The following PCED1B variants were observed in gnomAD, a reference collection of about 807,000 sequenced individuals.
The protein encoded by PCED1B is PC-esterase domain containing 1B, also known as PC-esterase domain-containing protein 1B.
For missense variants in PCED1B, 573 were observed against 573.9 expected (o/e 1.00, Z 0.02); for synonymous variants, 251 against 246.1 (o/e 1.02, Z -0.19).
intron 1 of PCED1B, among the ~76,000 whole-genome samples, chr12:47,096,420 CATTATAT>C (rs568274577): frequency 6.0e-5 from 9 of 150,232 alleles, no homozygotes; most frequent in South Asian, 2.1e-4. Flanking sequence ...ATATAATACA[CATTATAT>C]ATTATATATT....
chr12:47,136,481 G>C (rs1940376943), intron 2 of PCED1B, among the ~76,000 whole-genome samples: 1 of 152,172 alleles, frequency 6.6e-6, no homozygotes, highest in Non-Finnish European at 1.5e-5. Flanking sequence ...AAGGCAGCAT[G>C]ATGTACCCAA....
chr12:47,198,206 G>C (rs1208792369), intron 2 of PCED1B, among the ~76,000 whole-genome samples: 1 of 152,046 alleles, frequency 6.6e-6, no homozygotes, highest in African/African-American at 2.4e-5. Context: ...ACAACAAAAT[G>C]CTTTTTTTTC....
intron 2 of PCED1B, among the ~76,000 whole-genome samples, chr12:47,119,766 G>A (rs572161186): frequency 7.5e-4 from 114 of 151,504 alleles, no homozygotes; most frequent in African/African-American, 2.7e-3. Context: ...ATCATCTGAG[G>A]TCAGCCTGGT....
At chr12:47,160,214 T>C (rs1365230025) in intron 2 of PCED1B, among the ~76,000 whole-genome samples, 1 of 152,104 alleles carries the variant, frequency 6.6e-6, no homozygotes, top group Non-Finnish European at 1.5e-5. Context: ...AATTTTTAAA[T>C]GTTCATGAAG....
intron 2 of PCED1B, among the ~76,000 whole-genome samples, chr12:47,168,439 A>G (rs1941614724): frequency 6.6e-6 from 1 of 152,124 alleles, no homozygotes; most frequent in Non-Finnish European, 1.5e-5. Context: ...TGTTTCTCTT[A>G]GTCAGGCTTC....
intron 2 of PCED1B, among the ~76,000 whole-genome samples, chr12:47,115,285 C>T (rs976701371): frequency 1.3e-5 from 2 of 152,186 alleles, no homozygotes; most frequent in African/African-American, 4.8e-5. Context: ...GCCCAAACGA[C>T]ATTAAACCAC....
chr12:47,228,774 G>A (rs1453432335), intron 3 of PCED1B, among the ~76,000 whole-genome samples: 1 of 151,886 alleles, frequency 6.6e-6, no homozygotes, highest in East Asian at 1.9e-4. Flanking sequence ...TCAGGAGGCT[G>A]AGGCAGGAGA....
chr12:47,098,140 G>A (rs1200509774), intron 1 of PCED1B, among the ~76,000 whole-genome samples: 11 of 152,172 alleles, frequency 7.2e-5, no homozygotes, highest in Admixed American at 2.6e-4. Context: ...TGCTGGAAAG[G>A]ACAGGCTTAA....
At chr12:47,101,606 A>T (rs1012600352) in intron 1 of PCED1B, among the ~76,000 whole-genome samples, 2 of 152,106 alleles carry the variant, frequency 1.3e-5, no homozygotes, top group Non-Finnish European at 2.9e-5. Context: ...TATGGAGATT[A>T]TATGGGGAAA....
At chr12:47,197,927 A>G (rs941298444) in intron 2 of PCED1B, among the ~76,000 whole-genome samples, 1 of 152,216 alleles carries the variant, frequency 6.6e-6, no homozygotes, top group African/African-American at 2.4e-5. Flanking sequence ...AGAAAGCACC[A>G]GGCCCAGATG....
At chr12:47,083,042 G>A (rs112720741) in intron 1 of PCED1B, among the ~76,000 whole-genome samples, 6 of 149,636 alleles carry the variant, frequency 4.0e-5, no homozygotes, top group African/African-American at 1.2e-4. Flanking sequence ...TGTCTAGCTG[G>A]GTTTGGAAAT....
chr12:47,217,246 A>T (rs2137805174), intron 3 of PCED1B, among the ~76,000 whole-genome samples: 1 of 151,862 alleles, frequency 6.6e-6, no homozygotes, highest in Admixed American at 6.6e-5. Flanking sequence ...AAAAAAAACT[A>T]TAAAAATTAG....
At chr12:47,222,784 G>C (rs889062564) in intron 3 of PCED1B, among the ~76,000 whole-genome samples, 1 of 151,964 alleles carries the variant, frequency 6.6e-6, no homozygotes. Context: ...ATCAAACCCA[G>C]GGGGCCAACC....
At chr12:47,193,020 T>A (rs975576608) in intron 2 of PCED1B, among the ~76,000 whole-genome samples, 3 of 152,230 alleles carry the variant, frequency 2.0e-5, no homozygotes, top group Non-Finnish European at 4.4e-5. Flanking sequence ...TACTGAATGC[T>A]TTATGCACAC....
In PCED1B at chr12:47,199,465, AG is replaced by A. The variant is rs552370350; in HGVS notation, c.-525-16756del. Among the ~76,000 whole-genome samples, 98 of 152,340 alleles carry A rather than the reference AG, an allele frequency of 6.4e-4. 1 individual carries two copies. The highest frequency in any genetic ancestry group is 6.1e-3 in the Admixed American group (93 of 15,298). ...TAATATTGTAAAAAACAGAAGTGAA[AG>A]ACTGACACTATCTGGCATCGAGTGT... On this transcript the variant is annotated intron_variant, in intron 2 of 3. Coordinates refer to ENST00000546455, the MANE Select transcript of PCED1B (RefSeq NM_138371.3).
intron 1 of PCED1B, among the ~76,000 whole-genome samples, chr12:47,095,071 A>ATTT (rs34778482): frequency 2.6e-5 from 3 of 113,806 alleles, no homozygotes; most frequent in East Asian, 2.3e-4. Context: ...TGTGCCCACA[A>ATTT]TTTTTTTTTT....
At chr12:47,191,403 AC>A (rs1942435019) in intron 2 of PCED1B, among the ~76,000 whole-genome samples, 1 of 152,074 alleles carries the variant, frequency 6.6e-6, no homozygotes, top group Non-Finnish European at 1.5e-5. Flanking sequence ...CTAATTCTAT[AC>A]CCCAGTGTCA....
chr12:47,217,081 A>G (rs1943281731), intron 3 of PCED1B, among the ~76,000 whole-genome samples: 1 of 152,114 alleles, frequency 6.6e-6, no homozygotes, highest in Admixed American at 6.6e-5. Context: ...TTTTAGCCTT[A>G]ATTTTTAAAA....
At chr12:47,198,331 A>G (rs1942667915) in intron 2 of PCED1B, among the ~76,000 whole-genome samples, 1 of 152,332 alleles carries the variant, frequency 6.6e-6, no homozygotes, top group Middle Eastern at 3.4e-3. Context: ...AAAGCACTTG[A>G]CAAAATCCAG....
Sources: gnomAD v4.1 joint callset for allele counts (sites outside exome capture counted in the v4.1 genomes callset) on GRCh38, gnomAD v4.1.1 for gene constraint, MANE v1.5 for transcripts, NCBI Gene and HGNC (gene_info 2026-07-23, HGNC 2026-07-21) for gene names.